The following CNIH3 variants were observed in gnomAD, a reference collection of about 807,000 sequenced individuals.
CNIH3 encodes the protein cornichon family AMPA receptor auxiliary protein 3, also known as protein cornichon homolog 3.
Under a neutral mutation model 24.1 loss-of-function variants are expected in CNIH3, and 14 were observed. The ratio of observed to expected loss-of-function variants is 0.58; its 90% CI spans 0.38 to 0.91. The LOEUF is 0.91. Ranked by LOEUF, CNIH3 falls within the 40% of genes least tolerant of loss-of-function variation. The pLI, the probability that CNIH3 is intolerant of heterozygous loss-of-function variation, is 0.00. For missense variants in CNIH3, 178 were observed against 196.8 expected, an observed-to-expected ratio of 0.90 and a Z score of 0.57; for synonymous variants, 68 against 73.8, an observed-to-expected ratio of 0.92 and a Z score of 0.40.
chr1:224,437,810 T>C (rs1674726745), intron 1 of CNIH3, among the ~76,000 whole-genome samples: 1 of 152,204 alleles, frequency 6.6e-6, no homozygotes, highest in Admixed American at 6.5e-5. Context: ...TCAAAAAAGT[T>C]TGAAAAACGT....
At chr1:224,591,162 C>A (rs1681738942), downstream of CNIH3, among the ~76,000 whole-genome samples, 1 of 152,170 alleles carries the variant, frequency 6.6e-6, no homozygotes, top group Non-Finnish European at 1.5e-5. Context: ...TGCACATTGA[C>A]ACCCTGCACT....
chr1:224,734,494 G>T, intron 4 of CNIH3, 69 bp from the exon 5 acceptor site: 1 of 1,529,956 alleles, frequency 6.5e-7, no homozygotes, highest in Non-Finnish European at 9.0e-7. Context: ...CCCTGCATCG[G>T]AAGGGTTTGC....
At chr1:224,440,040 G>C (rs1027320734) in intron 1 of CNIH3, among the ~76,000 whole-genome samples, 1 of 152,124 alleles carries the variant, frequency 6.6e-6, no homozygotes, top group Admixed American at 6.5e-5. Context: ...TGCCCGCCTC[G>C]GCCTCCCAAA....
intron 1 of CNIH3, among the ~76,000 whole-genome samples, chr1:224,679,927 G>C (rs1686319511): frequency 2.0e-5 from 3 of 152,052 alleles, no homozygotes; most frequent in Admixed American, 2.0e-4. Context: ...TCCTGCCTCA[G>C]CCTCCTAGAT....
intron 1 of CNIH3, among the ~76,000 whole-genome samples, chr1:224,672,192 A>G (rs1203211045): frequency 6.6e-6 from 1 of 151,762 alleles, no homozygotes; most frequent in Non-Finnish European, 1.5e-5. Flanking sequence ...TTGTATTCTG[A>G]GCGTGGGTTT....
chr1:224,626,182 C>A (rs1235231756), intron 1 of CNIH3, among the ~76,000 whole-genome samples: 1 of 152,176 alleles, frequency 6.6e-6, no homozygotes, highest in Non-Finnish European at 1.5e-5. Flanking sequence ...ATAGTGAGGT[C>A]ATTTGCATGA....
intron 1 of CNIH3, among the ~76,000 whole-genome samples, chr1:224,618,275 A>G (rs977929787): frequency 2.6e-5 from 4 of 152,222 alleles, no homozygotes; most frequent in Non-Finnish European, 5.9e-5. Flanking sequence ...GCCAAGGCCA[A>G]ATGTTTAGAA....
At chr1:224,510,941 G>A (rs1036821328), upstream of CNIH3, among the ~76,000 whole-genome samples, 3 of 152,234 alleles carry the variant, frequency 2.0e-5, no homozygotes, top group African/African-American at 7.2e-5. Context: ...CCACAGGCCA[G>A]CACTGAACAC....
At chr1:224,579,472 G>A (rs1306347395) in intron 4 of CNIH3, among the ~76,000 whole-genome samples, 1 of 152,082 alleles carries the variant, frequency 6.6e-6, no homozygotes, top group Non-Finnish European at 1.5e-5. Context: ...CATTTGTATT[G>A]GGATCTGATT....
At chr1:224,509,738 A>G (rs1276072891) in intron 1 of CNIH3, among the ~76,000 whole-genome samples, 1 of 152,238 alleles carries the variant, frequency 6.6e-6, no homozygotes, top group African/African-American at 2.4e-5. Flanking sequence ...GCTGGTGACG[A>G]TGAGACCCAT....
At chr1:224,649,896 A>G (rs984292733) in intron 1 of CNIH3, among the ~76,000 whole-genome samples, 5 of 152,256 alleles carry the variant, frequency 3.3e-5, no homozygotes, top group Non-Finnish European at 7.3e-5. Context: ...ACAGCCAGGC[A>G]GAAAGACAAC....
chr1:224,585,409 CA>C (rs1434291465), intron 5 of CNIH3, among the ~76,000 whole-genome samples: 5 of 152,118 alleles, frequency 3.3e-5, no homozygotes, highest in African/African-American at 9.7e-5. Context: ...TGTGTGCTTC[CA>C]GAGCCATATC....
At chr1:224,724,453 G>T (rs1688910209) in intron 3 of CNIH3, among the ~76,000 whole-genome samples, 1 of 152,212 alleles carries the variant, frequency 6.6e-6, no homozygotes, top group South Asian at 2.1e-4. Context: ...GACATTGCTT[G>T]GAGATGCTCA....
rs74322758 is a variant in CNIH3, at chr1:224,574,834, T to A, written n.517-8330T>A. On this transcript the variant is annotated intron_variant and non_coding_transcript_variant, in intron 4 of 5. Transcript: ENST00000471578. ...GATGAGCCAGGTAATGGTAATGTGG[T>A]TCCCAGTAACAGTAACATTCTGGAC... 8.4e-4 allele frequency: 784 copies of A among 929,530 alleles called. 9 individuals are homozygous for A. In the East Asian group the frequency reaches 0.018, roughly 21 times the overall value. The allele number at this position is 929,530 out of a possible 1,614,324, so 57.6% of individuals were successfully genotyped here. A position where few individuals can be genotyped will look rare whatever the true frequency, so the allele number is the denominator to read the frequency against.
At chr1:224,609,449 G>A (rs1313529542) in intron 3 of CNIH3, among the ~76,000 whole-genome samples, 5 of 152,130 alleles carry the variant, frequency 3.3e-5, no homozygotes, top group South Asian at 4.2e-4. Flanking sequence ...GTGGGGACTG[G>A]AGGGAGTGTT....
chr1:224,592,806 G>A (rs564708532), downstream of CNIH3, among the ~76,000 whole-genome samples: 29 of 152,280 alleles, frequency 1.9e-4, no homozygotes, highest in African/African-American at 6.5e-4. Context: ...TGAGTAGGAC[G>A]ATTCCCCTGA....
At chr1:224,632,818 G>A (rs1683892446) in intron 1 of CNIH3, among the ~76,000 whole-genome samples, 1 of 152,164 alleles carries the variant, frequency 6.6e-6, no homozygotes, top group Non-Finnish European at 1.5e-5. Context: ...AGGAAAATGT[G>A]TTCAGTTTTG....
chr1:224,539,544 C>A (rs1015520068), downstream of CNIH3, among the ~76,000 whole-genome samples: 1 of 152,178 alleles, frequency 6.6e-6, no homozygotes, highest in African/African-American at 2.4e-5. Flanking sequence ...TCCTTGCTCT[C>A]CAAGATACGT....
chr1:224,708,214 C>T (rs1558317789), intron 3 of CNIH3, among the ~76,000 whole-genome samples: 2 of 152,152 alleles, frequency 1.3e-5, no homozygotes, highest in South Asian at 4.2e-4. Context: ...CCTCTCCAAT[C>T]CTCCTCTCCC....
Sources: allele counts gnomAD v4.1 joint callset (sites outside exome capture counted in the v4.1 genomes callset), GRCh38; gene constraint gnomAD v4.1.1; transcripts MANE v1.5; gene names NCBI Gene and HGNC (gene_info 2026-07-23, HGNC 2026-07-21).